Variants in HOXB4 observed in about 807,000 individuals in gnomAD.
The protein encoded by HOXB4 is homeobox protein Hox-B4.
Under a neutral mutation model 20.0 loss-of-function variants are expected in HOXB4, and 13 were observed. That is an observed-to-expected ratio of 0.65 (90% CI 0.42 to 1.03). HOXB4 has a LOEUF of 1.03. Among genes scored for constraint, HOXB4 ranks in the 50% least tolerant of loss-of-function variants. The pLI is 0.00. For missense variants in HOXB4, 343 were observed against 357.1 expected (o/e 0.96, Z 0.32); for synonymous variants, 173 against 148.9 (o/e 1.16, Z -1.18).
chr17:48,576,591 A>G lies in HOXB4; in HGVS notation c.*131T>C, dbSNP rs369355466. ...CCCTCTTCTGCGTTTATTCGTATAT[A>G]AAGTGTGGGGGAGGGCAGATAGATT... On this transcript the variant is annotated 3_prime_UTR_variant, in exon 2 of 2. Coordinates refer to ENST00000332503, the MANE Select transcript of HOXB4 (RefSeq NM_024015.5). 1 of 742,322 alleles carries G rather than the reference A, an allele frequency of 1.3e-6. No individual in the cohort carries two copies. The highest frequency in any genetic ancestry group is 3.0e-5 in the Admixed American group (1 of 33,386). 46.0% of individuals were successfully genotyped at this position (742,322 alleles called of 1,614,324 possible). A position where few individuals can be genotyped will look rare whatever the true frequency, so the allele number is the denominator to read the frequency against.
intron 1 of HOXB4, 77 bp from the exon 2 acceptor site, chr17:48,577,097 A>T: frequency 7.2e-7 from 1 of 1,396,154 alleles, no homozygotes; most frequent in Non-Finnish European, 9.6e-7. Flanking sequence ...TCCAGGGAAC[A>T]CAGCGTTTCC....
chr17:48,577,970 G>C lies in HOXB4; in HGVS notation c.350C>G (p.Pro117Arg). Residue 117 changes from proline (P) to arginine (R), a missense_variant, in exon 1 of 2, where the codon CCC becomes CGC. By Grantham distance (103) the Pro-to-Arg change is moderately radical. Coordinates refer to ENST00000332503, the MANE Select transcript of HOXB4 (RefSeq NM_024015.5). ...GQRCEAVSSS[P>R]PPPPCAQNPL... The stretch of plus-strand genomic sequence containing the variant: ...GTTCTGGGCGCAGGGAGGCGGCGGG[G>C]GGCTGCTGCTGACCGCCTCGCAGCG... 7.6e-7 allele frequency: 1 copy of C among 1,312,786 alleles called. No homozygotes were observed. The highest frequency in any genetic ancestry group is 9.7e-7 in the Non-Finnish European group (1 of 1,026,328). 81.3% of individuals were successfully genotyped at this position (1,312,786 alleles called of 1,614,324 possible).
chr17:48,576,962 C>T lies in HOXB4; in HGVS notation c.516G>A (p.Gln172=), dbSNP rs769370544. The T allele has an allele frequency of 5.6e-6, 9 of 1,613,782 alleles. No individual in the cohort carries two copies. The highest frequency in any genetic ancestry group is 2.5e-6 in the Non-Finnish European group (3 of 1,179,824). Residue 172 remains glutamine (Q), a synonymous_variant, in exon 2 of 2, where the codon CAG becomes CAA. Coordinates refer to ENST00000332503, the MANE Select transcript of HOXB4 (RefSeq NM_024015.5). ...ATTCCTTCTCCAGCTCCAAGACCTG[C>T]TGGCGCGTGTAGGCGGTCCGAGAGC... ...PKRSRTAYTR[Q]QVLELEKEFH... is the part of the protein sequence containing the mutation.
Position 48,578,188 on chromosome 17 carries a change from T to A in HOXB4, c.132A>T (p.Arg44=). 6.2e-7 allele frequency: 1 copy of A among 1,612,866 alleles called. No individual in the cohort carries two copies. The highest frequency in any genetic ancestry group is 1.1e-5 in the South Asian group (1 of 90,930). ...SPGYYAGGQR[R]ESSFQPEAGF... ...CCGCCTCCGGCTGGAAGCTGCTCTC[T>A]CGCCTCTGGCCGCCGGCGTAGTACC... Residue 44 remains arginine, a synonymous_variant, in exon 1 of 2, where the codon CGA becomes CGT. Coordinates refer to ENST00000332503, the MANE Select transcript of HOXB4 (RefSeq NM_024015.5).
At position 48,576,911 on chromosome 17, in the gene HOXB4, C is replaced by T; in HGVS notation, c.567G>A (p.Arg189=). 6.2e-7 allele frequency: 1 copy of T among 1,614,256 alleles called. No individual in the cohort carries two copies. Among genetic ancestry groups the T allele is most frequent in the Non-Finnish European group, 8.5e-7 (1 of 1,180,042 alleles). ...KEFHYNRYLT[R]RRRVEIAHAL... Reference sequence around the variant, plus strand: ...CGTGGGCGATCTCCACCCTCCGGCGCCGTGTCAGGTAGCGGTTGTAGTGAA... The same window carrying T: ...CGTGGGCGATCTCCACCCTCCGGCGTCGTGTCAGGTAGCGGTTGTAGTGAA... Residue 189 remains arginine, a synonymous_variant, in exon 2 of 2, where the codon CGG becomes CGA. Coordinates refer to ENST00000332503, the MANE Select transcript of HOXB4 (RefSeq NM_024015.5).
chr17:48,577,854 C>A lies in HOXB4; in HGVS notation c.457+9G>T. On this transcript the variant is annotated intron_variant, in intron 1 of 1. Transcript: ENST00000332503. ...GGGTGGGAGGGGGAAGGGGTGCCCA[C>A]GCACTCACCCGTGCTCACGTGAACT... The A allele has an allele frequency of 2.1e-6, 3 of 1,401,824 alleles. No homozygotes were observed. Among genetic ancestry groups the A allele is most frequent in the Non-Finnish European group, 2.8e-6 (3 of 1,075,104 alleles). 86.8% of individuals were successfully genotyped at this position (1,401,824 alleles called of 1,614,324 possible).
Position 48,576,674 on chromosome 17 carries a change from C to A in HOXB4, c.*48G>T. 2 of 1,154,102 alleles carry A rather than the reference C, an allele frequency of 1.7e-6. No individual in the cohort carries two copies. Among genetic ancestry groups the A allele is most frequent in the Non-Finnish European group, 2.4e-6 (2 of 844,642 alleles). The allele number at this position is 1,154,102 out of a possible 1,614,324, so 71.5% of individuals were successfully genotyped here. Reference sequence around the variant, plus strand: ...GTCCCCCCACCCCATCCCCTGCACTCACTGCCCACCCCCACCCCGAGGTTC... The same window carrying A: ...GTCCCCCCACCCCATCCCCTGCACTAACTGCCCACCCCCACCCCGAGGTTC... On this transcript the variant is annotated 3_prime_UTR_variant, in exon 2 of 2. Transcript: ENST00000332503.
In HOXB4 at chr17:48,576,524, G is replaced by A. The variant is rs754344512; in HGVS notation, c.*198C>T. 22 of 413,866 alleles carry A rather than the reference G, an allele frequency of 5.3e-5. No individual in the cohort carries two copies. The highest frequency in any genetic ancestry group is 6.7e-5 in the Non-Finnish European group (16 of 237,664). The allele number at this position is 413,866 out of a possible 1,614,324, so 25.6% of individuals were successfully genotyped here. On this transcript the variant is annotated 3_prime_UTR_variant, in exon 2 of 2. Transcript: ENST00000332503. ...ATCTTGCTTCTGGGGGGGCCTCCCC[G>A]TGGCCCTCTATTGTCATTTCTATAA...
Position 48,576,720 on chromosome 17 carries a change from C to T in HOXB4, c.*2G>A. The T allele has an allele frequency of 5.2e-6, 7 of 1,336,974 alleles. No individual in the cohort carries two copies. Among genetic ancestry groups the T allele is most frequent in the Non-Finnish European group, 5.9e-6 (6 of 1,010,948 alleles). 82.8% of individuals were successfully genotyped at this position (1,336,974 alleles called of 1,614,324 possible). On this transcript the variant is annotated 3_prime_UTR_variant, in exon 2 of 2. Transcript: ENST00000332503. The stretch of plus-strand genomic sequence containing the variant: ...GGTTCGTGGCTCCCGCGTGCGGGGG[C>T]ACTAGAGCGCGCGGGGGCCTCCATT...
At chr17:48,577,126 A>G (rs1276314173) in intron 1 of HOXB4, 106 bp from the exon 2 acceptor site, 3 of 1,141,550 alleles carry the variant, frequency 2.6e-6, no homozygotes, top group African/African-American at 3.2e-5. Flanking sequence ...CTCTCCCGCC[A>G]CCTCTTCTTC....
In HOXB4 at chr17:48,578,239, A is replaced by G. The variant is rs1178317772; in HGVS notation, c.81T>C (p.Asp27=). The G allele has an allele frequency of 1.7e-5, 27 of 1,613,874 alleles. No homozygotes were observed. Among genetic ancestry groups the G allele is most frequent in the Non-Finnish European group, 2.0e-5 (24 of 1,179,930 alleles). ...CGGGCGAGTGGTCGCTGGGTAGGTA[A>G]TCGCTCTGTGAATATTCCTCGCATG... ...FPPCEEYSQS[D]YLPSDHSPGY... is the part of the protein sequence containing the mutation. Residue 27 remains aspartate, a synonymous_variant, in exon 1 of 2, where the codon GAT becomes GAC. Coordinates refer to ENST00000332503, the MANE Select transcript of HOXB4 (RefSeq NM_024015.5).
At chr17:48,577,758 G>A in intron 1 of HOXB4, 105 bp downstream of exon 1, 1 of 1,025,182 alleles carries the variant, frequency 9.8e-7, no homozygotes, top group Non-Finnish European at 1.3e-6. Context: ...TTATAGCGGG[G>A]ACAATTGGCT....
Position 48,578,255 on chromosome 17 carries a change from T to A in HOXB4, c.65A>T (p.Glu22Val), listed in dbSNP as rs2069836837. The change falls in exon 1 of 2, where the codon GAA becomes GTA. Residue 22 changes from glutamate (E) to valine (V), a missense_variant. Coordinates refer to ENST00000332503, the MANE Select transcript of HOXB4 (RefSeq NM_024015.5). ...GGGTAGGTAATCGCTCTGTGAATATTCCTCGCATGGAGGGAACTTGGGGTC... is the reference window on the plus strand; with the variant it reads ...GGGTAGGTAATCGCTCTGTGAATATACCTCGCATGGAGGGAACTTGGGGTC... ...YVDPKFPPCE[E>V]YSQSDYLPSD... 5 of 1,614,058 alleles carry A rather than the reference T, an allele frequency of 3.1e-6. No individual in the cohort carries two copies. Among genetic ancestry groups the A allele is most frequent in the Non-Finnish European group, 4.2e-6 (5 of 1,179,940 alleles).
Position 48,576,746 on chromosome 17 carries a change from G to T in HOXB4, c.732C>A (p.Pro244=). ...ACTAGAGCGCGCGGGGGCCTCCATT[G>T]GGCCGGCCAGGGGGCCCTCCGGCTG... ...AGSAGGPPGR[P]NGGPRAL is the part of the protein sequence containing the mutation. Residue 244 remains proline, a synonymous_variant, in exon 2 of 2, where the codon CCC becomes CCA. Coordinates refer to ENST00000332503, the MANE Select transcript of HOXB4 (RefSeq NM_024015.5). The T allele has an allele frequency of 6.2e-7, 1 of 1,608,038 alleles. No individual in the cohort carries two copies. Among genetic ancestry groups the T allele is most frequent in the South Asian group, 1.1e-5 (1 of 90,918 alleles).
At position 48,576,833 on chromosome 17, in the gene HOXB4, C is replaced by CA. The variant is rs755477319; in HGVS notation, c.644dup (p.Met215IlefsTer86). On this transcript the variant is annotated frameshift_variant, in exon 2 of 2. Coordinates refer to ENST00000332503, the MANE Select transcript of HOXB4 (RefSeq NM_024015.5). LOFTEE classifies it high-confidence loss of function. ...GCAACTTGTGGTCTTTTTTCCACTT[C>CA]ATGCGCCGGTTCTGGAACCAGATCT... 6.2e-7 allele frequency: 1 copy of CA among 1,614,262 alleles called. No individual in the cohort carries two copies. Among genetic ancestry groups the CA allele is most frequent in the South Asian group, 1.1e-5 (1 of 91,088 alleles).
intron 1 of HOXB4, 99 bp from the exon 2 acceptor site, chr17:48,577,119 T>C: frequency 8.5e-7 from 1 of 1,170,370 alleles, no homozygotes; most frequent in Non-Finnish European, 1.2e-6. Flanking sequence ...TCCCTCCCTC[T>C]CCCGCCACCT....
In HOXB4 at chr17:48,576,797, C is replaced by T. The variant is rs552830566; in HGVS notation, c.681G>A (p.Lys227=). Residue 227 remains lysine (K), a synonymous_variant, in exon 2 of 2, where the codon AAG becomes AAA. Transcript: ENST00000332503. The stretch of plus-strand genomic sequence containing the variant: ...AGCCTGCCGCACCACCCGAGCGGAT[C>T]TTGGTGTTGGGCAACTTGTGGTCTT... ...WKKDHKLPNT[K]IRSGGAAGSA... 2 of 1,614,246 alleles carry T rather than the reference C, an allele frequency of 1.2e-6. No individual in the cohort carries two copies. Among genetic ancestry groups the T allele is most frequent in the Non-Finnish European group, 1.7e-6 (2 of 1,180,034 alleles).
chr17:48,576,650 T>TGCCCCCA lies in HOXB4; in HGVS notation c.*71_*72insTGGGGGC. The TGCCCCCA allele has an allele frequency of 1.8e-6, 1 of 567,770 alleles. No individual in the cohort carries two copies. The highest frequency in any genetic ancestry group is 5.2e-5 in the East Asian group (1 of 19,332). The allele number at this position is 567,770 out of a possible 1,614,324, so 35.2% of individuals were successfully genotyped here. A position where few individuals can be genotyped will look rare whatever the true frequency, so the allele number is the denominator to read the frequency against. ...GCCCAGGCCCCAGGGCCCCCTCCTG[T>TGCCCCCA]CCCCCCACCCCATCCCCTGCACTCA... On this transcript the variant is annotated 3_prime_UTR_variant, in exon 2 of 2. Coordinates refer to ENST00000332503, the MANE Select transcript of HOXB4 (RefSeq NM_024015.5).
Position 48,575,675 on chromosome 17 carries a change from AT to A in HOXB4, c.*1046del, listed in dbSNP as rs11301183. 0.14 allele frequency: 20,943 copies of A among 152,480 alleles called. 1,950 individuals carry two copies. Among genetic ancestry groups the A allele is most frequent in the African/African-American group, 0.26 (10,640 of 41,386 alleles). The allele number at this position is 152,480 out of a possible 1,614,324, so 9.4% of individuals were successfully genotyped here. On this transcript the variant is annotated 3_prime_UTR_variant, in exon 2 of 2. Transcript: ENST00000332503. ...GAGAGGACTCACATGACACAAAAAA[AT>A]AGTAATAATAATATTATCAATAATA...
Sources: gnomAD v4.1 joint callset for allele counts on GRCh38, gnomAD v4.1.1 for gene constraint, MANE v1.5 for transcripts, NCBI Gene and HGNC (gene_info 2026-07-23, HGNC 2026-07-21) for gene names.